PARP8: variants seen among roughly 807,000 people sequenced by gnomAD.
PARP8 encodes protein mono-ADP-ribosyltransferase PARP8.
A neutral mutation model predicts 124.1 loss-of-function variants in PARP8; 51 were observed. That is an observed-to-expected ratio of 0.41 (90% CI 0.33 to 0.52). The LOEUF (loss-of-function observed/expected upper bound fraction) is 0.52. Ranked by LOEUF, PARP8 falls within the 20% of genes least tolerant of loss-of-function variation. The pLI is 0.21. For synonymous variants in PARP8, 391 were observed against 361.5 expected (o/e 1.08, Z -0.93); for missense variants, 860 against 1,018.9 (o/e 0.84, Z 2.12).
chr5:50,762,163 T>C (rs1238116017), intron 6 of PARP8, among the ~76,000 whole-genome samples: 1 of 152,184 alleles, frequency 6.6e-6, no homozygotes, highest in East Asian at 1.9e-4. Flanking sequence ...AGTATTTTAT[T>C]ATGCTTTTGA....
intron 22 of PARP8, among the ~76,000 whole-genome samples, chr5:50,832,228 A>C (rs1201979908): frequency 6.6e-6 from 1 of 152,214 alleles, no homozygotes; most frequent in African/African-American, 2.4e-5. Context: ...TCTAAAACAG[A>C]TGTGTATTTT....
At chr5:50,733,218 A>G (rs1211364454) in intron 2 of PARP8, among the ~76,000 whole-genome samples, 1 of 151,678 alleles carries the variant, frequency 6.6e-6, no homozygotes, top group African/African-American at 2.4e-5. Context: ...TGCTTGAACC[A>G]GGGAGGTGGT....
chr5:50,797,378 T>C, intron 14 of PARP8, 145 bp downstream of exon 14: 1 of 581,608 alleles, frequency 1.7e-6, no homozygotes, highest in East Asian at 3.1e-5. Context: ...TTTGACAAAA[T>C]AGTATTACTT....
intron 9 of PARP8, among the ~76,000 whole-genome samples, chr5:50,781,113 C>A (rs1324534573): frequency 2.6e-5 from 4 of 152,044 alleles, no homozygotes; most frequent in Non-Finnish European, 4.4e-5. Flanking sequence ...TTCTCTAATT[C>A]TTTCATCCTT....
chr5:50,831,332 C>T (rs1746956363), intron 22 of PARP8, among the ~76,000 whole-genome samples: 1 of 152,054 alleles, frequency 6.6e-6, no homozygotes, highest in Admixed American at 6.6e-5. Flanking sequence ...GATTCTTTAG[C>T]CCCTCAAAGT....
At chr5:50,759,758 T>G in intron 4 of PARP8, 26 bp downstream of exon 4, 3 of 1,535,764 alleles carry the variant, frequency 2.0e-6, no homozygotes, top group South Asian at 1.3e-5. Context: ...TTTTTTATAC[T>G]AGGTTAATTT....
intron 2 of PARP8, among the ~76,000 whole-genome samples, chr5:50,675,522 G>T (rs1172971082): frequency 6.6e-6 from 1 of 152,120 alleles, no homozygotes; most frequent in Non-Finnish European, 1.5e-5. Context: ...GGCCAGGTTG[G>T]TCTCGAACTC....
chr5:50,797,698 G>A (rs1410978887), intron 14 of PARP8, among the ~76,000 whole-genome samples: 1 of 152,190 alleles, frequency 6.6e-6, no homozygotes, highest in Non-Finnish European at 1.5e-5. Flanking sequence ...AAAGATGCTA[G>A]CATCCTGACA....
chr5:50,718,296 TAC>T (rs1346059381), intron 2 of PARP8, among the ~76,000 whole-genome samples: 2 of 152,016 alleles, frequency 1.3e-5, no homozygotes, highest in African/African-American at 4.8e-5. Flanking sequence ...TATTAAACAA[TAC>T]AGGTAAATTA....
At chr5:50,736,514 A>C (rs1757494633) in intron 2 of PARP8, among the ~76,000 whole-genome samples, 1 of 152,188 alleles carries the variant, frequency 6.6e-6, no homozygotes, top group Admixed American at 6.5e-5. Context: ...ATCTGAAATA[A>C]GGAGACATTT....
intron 18 of PARP8, among the ~76,000 whole-genome samples, chr5:50,826,141 C>T (rs1746327093): frequency 6.6e-6 from 1 of 151,830 alleles, no homozygotes; most frequent in Non-Finnish European, 1.5e-5. Context: ...TGATCATTTC[C>T]TTCAGCTTGT....
intron 3 of PARP8, among the ~76,000 whole-genome samples, chr5:50,754,116 C>CATATATGTAT (rs1759562419): frequency 6.2e-5 from 4 of 64,758 alleles, no homozygotes; most frequent in Admixed American, 3.0e-4. Context: ...TGAAAACATT[C>CATATATGTAT]ATATATATAT....
At chr5:50,823,855 A>G (rs1304748672) in intron 17 of PARP8, among the ~76,000 whole-genome samples, 3 of 152,216 alleles carry the variant, frequency 2.0e-5, no homozygotes, top group African/African-American at 4.8e-5. Flanking sequence ...TGGCTCATCA[A>G]TGAATGTGAC....
intron 25 of PARP8, among the ~76,000 whole-genome samples, chr5:50,835,724 A>G (rs564650278): frequency 4.2e-4 from 64 of 152,188 alleles, no homozygotes; most frequent in Non-Finnish European, 7.1e-4. Context: ...ATTGATCTAC[A>G]TTCCATATAA....
intron 3 of PARP8, among the ~76,000 whole-genome samples, chr5:50,755,978 T>C (rs1162756077): frequency 6.6e-6 from 1 of 152,144 alleles, no homozygotes; most frequent in African/African-American, 2.4e-5. Context: ...TTTGGCTCTC[T>C]GTTTGTCTGT....
At chr5:50,821,136 C>T (rs1745717502) in intron 15 of PARP8, 77 bp from the exon 16 acceptor site, 1 of 1,539,230 alleles carries the variant, frequency 6.5e-7, no homozygotes, top group Non-Finnish European at 9.0e-7. Context: ...ACTTATGCTA[C>T]CTTGAGAGGG....
chr5:50,829,282 T>C (rs1413851297), intron 21 of PARP8, among the ~76,000 whole-genome samples: 1 of 152,168 alleles, frequency 6.6e-6, no homozygotes, highest in African/African-American at 2.4e-5. Context: ...GGAAATGAGA[T>C]GCTTAACCCA....
At chr5:50,815,319 T>C (rs1467811661) in intron 14 of PARP8, 113 bp from the exon 15 acceptor site, 4 of 715,992 alleles carry the variant, frequency 5.6e-6, no homozygotes, top group Non-Finnish European at 8.6e-6. Context: ...ATTTCCTTTT[T>C]AAAAAACACT....
chr5:50,806,127 A>T (rs1007513354), intron 14 of PARP8, among the ~76,000 whole-genome samples: 2 of 151,948 alleles, frequency 1.3e-5, no homozygotes, highest in Non-Finnish European at 2.9e-5. Context: ...CTTTATGTGG[A>T]TTTTCAAGTG....
Sources: gnomAD v4.1 joint callset for allele counts (sites outside exome capture counted in the v4.1 genomes callset) on GRCh38, gnomAD v4.1.1 for gene constraint, MANE v1.5 for transcripts, NCBI Gene and HGNC (gene_info 2026-07-23, HGNC 2026-07-21) for gene names.